SLC35F4: variants seen among roughly 807,000 people sequenced by gnomAD.
SLC35F4 encodes solute carrier family 35 member F4.
Under a neutral mutation model 44.2 loss-of-function variants are expected in SLC35F4, and 24 were observed. The ratio of observed to expected loss-of-function variants is 0.54; its 90% CI spans 0.39 to 0.76. The LOEUF (loss-of-function observed/expected upper bound fraction) is 0.76, where lower values mean the gene tolerates loss of function less well. Ranked by LOEUF, SLC35F4 falls within the 30% of genes least tolerant of loss-of-function variation. SLC35F4 has a pLI of 0.00. For missense variants in SLC35F4, 562 were observed against 586.1 expected (o/e 0.96, Z 0.42); for synonymous variants, 238 against 223.6 (o/e 1.06, Z -0.57).
intron 1 of SLC35F4, among the ~76,000 whole-genome samples, chr14:57,677,708 C>T (rs1458627083): frequency 6.6e-6 from 1 of 151,892 alleles, no homozygotes; most frequent in African/African-American, 2.4e-5. Flanking sequence ...CCCCTTCACA[C>T]ATACATATAT....
At chr14:57,619,537 G>A (rs2072056941) in intron 1 of SLC35F4, among the ~76,000 whole-genome samples, 2 of 152,042 alleles carry the variant, frequency 1.3e-5, no homozygotes, top group South Asian at 4.2e-4. Flanking sequence ...CCCATGCCAA[G>A]GTCACTAACA....
chr14:57,865,672 G>A (rs1888102131), intron 1 of SLC35F4, 51 bp downstream of exon 1: 2 of 1,453,904 alleles, frequency 1.4e-6, no homozygotes, highest in African/African-American at 2.9e-5. Flanking sequence ...GCACCCCTGC[G>A]CGCCCACCTC....
intron 1 of SLC35F4, among the ~76,000 whole-genome samples, chr14:57,608,089 G>C (rs1046750715): frequency 1.3e-5 from 2 of 152,116 alleles, no homozygotes; most frequent in East Asian, 3.9e-4. Context: ...TGGGCAGTTG[G>C]ACACACAGAT....
intron 1 of SLC35F4, among the ~76,000 whole-genome samples, chr14:57,780,607 TAGAAA>T (rs2077593823): frequency 6.6e-6 from 1 of 151,944 alleles, no homozygotes; most frequent in Non-Finnish European, 1.5e-5. Context: ...TCTATGGAAC[TAGAAA>T]AGAACTCAAA....
At chr14:57,811,014 A>C (rs1271105893) in intron 1 of SLC35F4, among the ~76,000 whole-genome samples, 5 of 152,210 alleles carry the variant, frequency 3.3e-5, no homozygotes, top group Non-Finnish European at 7.3e-5. Flanking sequence ...ATTTCTTATA[A>C]ATATCCTGAC....
At chr14:57,682,874 A>T (rs1384447897) in intron 1 of SLC35F4, among the ~76,000 whole-genome samples, 4 of 152,108 alleles carry the variant, frequency 2.6e-5, no homozygotes, top group Admixed American at 2.6e-4. Context: ...TATTAAATTA[A>T]TGCACTCCAT....
At chr14:57,936,173 A>G (rs1477704873) in intron 1 of SLC35F4, among the ~76,000 whole-genome samples, 1 of 152,226 alleles carries the variant, frequency 6.6e-6, no homozygotes, top group African/African-American at 2.4e-5. Context: ...TTCACATGCA[A>G]AAAGATGGAC....
In SLC35F4 at chr14:57,880,853, G is replaced by A. The variant is rs190352738; in HGVS notation, n.282+101060C>T. Among the ~76,000 whole-genome samples the A allele has an allele frequency of 5.4e-4, 82 of 152,236 alleles. 1 individual carries two copies. The highest frequency in any genetic ancestry group is 1.6e-3 in the African/African-American group (67 of 41,554). ...GCAGACTCCTCGAAGAGGAACTCACGTTAAACAAACTCACAATACATTGAT... is the reference window on the plus strand; with the variant it reads ...GCAGACTCCTCGAAGAGGAACTCACATTAAACAAACTCACAATACATTGAT... On this transcript the variant is annotated intron_variant and non_coding_transcript_variant, in intron 1 of 1. Transcript: ENST00000556568.
chr14:57,739,608 G>C (rs760548814), intron 1 of SLC35F4, among the ~76,000 whole-genome samples: 7 of 152,170 alleles, frequency 4.6e-5, no homozygotes, highest in African/African-American at 1.7e-4. Context: ...TCAAACTGCC[G>C]TTTGTGGATT....
chr14:57,793,149 C>CCTCTGAGTAACAGAATG (rs1185996585), intron 1 of SLC35F4, among the ~76,000 whole-genome samples: 2 of 152,042 alleles, frequency 1.3e-5, no homozygotes, highest in African/African-American at 4.8e-5. Flanking sequence ...TGCCCAGGCT[C>CCTCTGAGTAACAGAATG]CTCTGAGTAA....
intron 1 of SLC35F4, among the ~76,000 whole-genome samples, chr14:57,763,640 T>C (rs2077173997): frequency 6.6e-6 from 1 of 152,176 alleles, no homozygotes; most frequent in Non-Finnish European, 1.5e-5. Context: ...AGTATACAAT[T>C]ATAGTTAATA....
At chr14:57,659,075 T>C (rs1429616303) in intron 1 of SLC35F4, among the ~76,000 whole-genome samples, 1 of 152,194 alleles carries the variant, frequency 6.6e-6, no homozygotes, top group Non-Finnish European at 1.5e-5. Context: ...CTAGTGGATC[T>C]TAAATCAGAA....
chr14:57,572,751 T>G (rs1566628725), intron 4 of SLC35F4, among the ~76,000 whole-genome samples: 1 of 152,252 alleles, frequency 6.6e-6, no homozygotes. Flanking sequence ...GAAGTCATCA[T>G]TGTTCACTGT....
At chr14:57,798,781 C>A (rs958838460) in intron 1 of SLC35F4, among the ~76,000 whole-genome samples, 12 of 152,162 alleles carry the variant, frequency 7.9e-5, no homozygotes, top group African/African-American at 2.7e-4. Flanking sequence ...AGCGGCACGT[C>A]CTGCTCAGCC....
chr14:57,569,236 A>G (rs1009574697), intron 6 of SLC35F4, among the ~76,000 whole-genome samples: 1 of 152,214 alleles, frequency 6.6e-6, no homozygotes, highest in Non-Finnish European at 1.5e-5. Context: ...TTTCATATGC[A>G]GATATGAGCC....
At chr14:57,809,209 TG>T (rs1044958274) in intron 1 of SLC35F4, among the ~76,000 whole-genome samples, 4 of 152,228 alleles carry the variant, frequency 2.6e-5, no homozygotes, top group African/African-American at 9.6e-5. Context: ...AAGGCTTTGA[TG>T]GGCTATTCTT....
At chr14:57,724,903 C>A (rs114821025) in intron 1 of SLC35F4, among the ~76,000 whole-genome samples, 42 of 152,214 alleles carry the variant, frequency 2.8e-4, no homozygotes, top group African/African-American at 9.6e-4. Flanking sequence ...GAGAAATGGC[C>A]AGATATGTGA....
At chr14:57,606,138 A>G (rs946518768) in intron 1 of SLC35F4, among the ~76,000 whole-genome samples, 3 of 152,212 alleles carry the variant, frequency 2.0e-5, no homozygotes, top group African/African-American at 4.8e-5. Flanking sequence ...AGAAAAGTCT[A>G]TGCTATATGA....
chr14:57,973,107 T>G (rs1380144729), downstream of SLC35F4, among the ~76,000 whole-genome samples: 1 of 152,206 alleles, frequency 6.6e-6, no homozygotes, highest in Admixed American at 6.5e-5. Flanking sequence ...ACAGTACCAC[T>G]GTCCCCTTAG....
Sources: allele counts gnomAD v4.1 joint callset (sites outside exome capture counted in the v4.1 genomes callset), GRCh38; gene constraint gnomAD v4.1.1; transcripts MANE v1.5; gene names NCBI Gene and HGNC (gene_info 2026-07-23, HGNC 2026-07-21).